CUL3: variants seen among roughly 807,000 people sequenced by gnomAD.
CUL3 encodes cullin 3.
Under a neutral mutation model 89.1 loss-of-function variants are expected in CUL3, and 19 were observed. The ratio of observed to expected loss-of-function variants is 0.21; its 90% CI spans 0.15 to 0.31. The LOEUF is 0.31. Among genes scored for constraint, CUL3 ranks in the 10% least tolerant of loss-of-function variants. CUL3 has a pLI of 1.00. For missense variants in CUL3, 469 were observed against 942.3 expected (o/e 0.50, Z 6.58); for synonymous variants, 351 against 308.4 (o/e 1.14, Z -1.45).
chr2:224,540,579 C>G (rs1046115104), intron 2 of CUL3, among the ~76,000 whole-genome samples: 1 of 152,188 alleles, frequency 6.6e-6, no homozygotes, highest in African/African-American at 2.4e-5. Context: ...GGCTCCCACA[C>G]TAGCCATTTC....
chr2:224,489,015 T>C (rs1003585037), intron 13 of CUL3, among the ~76,000 whole-genome samples: 4 of 152,158 alleles, frequency 2.6e-5, no homozygotes, highest in African/African-American at 4.8e-5. Context: ...AAAAACCACA[T>C]GATTATCTCA....
intron 2 of CUL3, among the ~76,000 whole-genome samples, chr2:224,555,975 C>T (rs988111052): frequency 6.6e-6 from 1 of 152,148 alleles, no homozygotes; most frequent in Non-Finnish European, 1.5e-5. Flanking sequence ...CTCTTTGCAT[C>T]CACTACATTA....
At chr2:224,563,182 T>C (rs1202936483) in intron 1 of CUL3, 3 of 463,224 alleles carry the variant, frequency 6.5e-6, no homozygotes, top group Non-Finnish European at 1.3e-5. Context: ...AATAACACTA[T>C]GATAAATGCA....
chr2:224,577,718 A>G (rs1052436622), intron 1 of CUL3, among the ~76,000 whole-genome samples: 1 of 152,228 alleles, frequency 6.6e-6, no homozygotes, highest in African/African-American at 2.4e-5. Flanking sequence ...GTAAATGAAA[A>G]TTCTCTACAG....
At chr2:224,527,551 GAC>G (rs1324761919) in intron 3 of CUL3, among the ~76,000 whole-genome samples, 2 of 152,162 alleles carry the variant, frequency 1.3e-5, no homozygotes, top group African/African-American at 4.8e-5. Context: ...TGAGCAATCT[GAC>G]ACACTCCTTA....
chr2:224,562,675 G>A (rs1574699390), intron 1 of CUL3: 1 of 148,440 alleles, frequency 6.7e-6, no homozygotes, highest in Non-Finnish European at 1.5e-5. Flanking sequence ...ATGAAAAATA[G>A]ACCCAGAGAG....
chr2:224,567,715 G>A (rs1695078847), intron 1 of CUL3, among the ~76,000 whole-genome samples: 1 of 151,390 alleles, frequency 6.6e-6, no homozygotes, highest in Non-Finnish European at 1.5e-5. Flanking sequence ...ACTCCAGCCT[G>A]GGCAACAGAG....
At chr2:224,517,247 G>A (rs1457925503) in intron 3 of CUL3, among the ~76,000 whole-genome samples, 4 of 152,106 alleles carry the variant, frequency 2.6e-5, no homozygotes, top group Admixed American at 6.6e-5. Context: ...GCTAAAGACA[G>A]GTAGTAAAAC....
chr2:224,520,637 A>G (rs1693227105), intron 3 of CUL3, among the ~76,000 whole-genome samples: 1 of 152,198 alleles, frequency 6.6e-6, no homozygotes, highest in Non-Finnish European at 1.5e-5. Context: ...AGAGAGATGG[A>G]GTCTTTCTAA....
intron 8 of CUL3, 136 bp from the exon 9 acceptor site, chr2:224,503,958 G>A (rs1392018390): frequency 1.4e-5 from 9 of 637,456 alleles, no homozygotes; most frequent in Middle Eastern, 4.4e-4. Flanking sequence ...AAAGGGATAC[G>A]GTTTGAGAAA....
At chr2:224,481,830 GA>G in intron 14 of CUL3, 61 bp downstream of exon 14, 11 of 1,187,098 alleles carry the variant, frequency 9.3e-6, no homozygotes, top group Non-Finnish European at 1.2e-5. Flanking sequence ...CAATAGATGA[GA>G]TTTTTTTTCT....
intron 1 of CUL3, among the ~76,000 whole-genome samples, chr2:224,583,928 T>C (rs1386084365): frequency 2.0e-5 from 3 of 152,256 alleles, no homozygotes; most frequent in Non-Finnish European, 4.4e-5. Flanking sequence ...AAGATCTTTC[T>C]CTAATTTTAC....
At chr2:224,555,381 C>A (rs1246406371) in intron 2 of CUL3, among the ~76,000 whole-genome samples, 1 of 152,120 alleles carries the variant, frequency 6.6e-6, no homozygotes, top group Admixed American at 6.6e-5. Flanking sequence ...TTACCCAGAT[C>A]TTTCCAGGTC....
chr2:224,583,015 A>G (rs975722863), intron 1 of CUL3, among the ~76,000 whole-genome samples: 1 of 152,156 alleles, frequency 6.6e-6, no homozygotes, highest in Non-Finnish European at 1.5e-5. Flanking sequence ...ACATTTTAGC[A>G]AAAAATCTTA....
Position 224,485,560 on chromosome 2 carries a change from A to G in CUL3, c.1843-3482T>C, listed in dbSNP as rs1305013838. Among the ~76,000 whole-genome samples, 3 of 152,104 alleles carry G rather than the reference A, an allele frequency of 2.0e-5. No homozygotes were observed. The highest frequency in any genetic ancestry group is 7.2e-5 in the African/African-American group (3 of 41,426). ...TGCTGTGGCCAAACTGCCTCTCTAG[A>G]TTCCTCTTGACTGGGCAGGGCATCT... is the stretch of plus-strand genomic sequence containing the variant. On this transcript the variant is annotated intron_variant, in intron 13 of 15. Coordinates refer to ENST00000264414, the MANE Select transcript of CUL3 (RefSeq NM_003590.5). This position sits in a 1 kb window ranked among gnomAD's most constrained non-coding sequence, Gnocchi z 4.1.
At chr2:224,515,102 T>A (rs1692991598) in intron 3 of CUL3, among the ~76,000 whole-genome samples, 1 of 152,208 alleles carries the variant, frequency 6.6e-6, no homozygotes, top group Admixed American at 6.5e-5. Context: ...TACAGCATAC[T>A]CAAACATGGT....
Position 224,503,745 on chromosome 2 carries a change from A to G in CUL3, c.1284T>C (p.Phe428=), listed in dbSNP as rs1339235783. The G allele has an allele frequency of 8.7e-6, 14 of 1,609,220 alleles. No homozygotes were observed. Among genetic ancestry groups the G allele is most frequent in the Non-Finnish European group, 1.2e-5 (14 of 1,178,578 alleles). Residue 428 remains phenylalanine (F), a synonymous_variant, in exon 9 of 16, where the codon TTT becomes TTC. Coordinates refer to ENST00000264414, the MANE Select transcript of CUL3 (RefSeq NM_003590.5). The part of the protein sequence containing the change: ...LFRFMQEKDV[F]ERYYKQHLAR... ...CCAAGTGTTGTTTATAATAACGTTC[A>G]AATACATCTTTTTCTTGCATAAACC...
intron 1 of CUL3, among the ~76,000 whole-genome samples, chr2:224,578,982 T>G (rs879353719): frequency 1.3e-5 from 2 of 152,200 alleles, no homozygotes; most frequent in Non-Finnish European, 2.9e-5. Context: ...CTCTAATTTG[T>G]TTGAATCAAG....
intron 13 of CUL3, among the ~76,000 whole-genome samples, chr2:224,492,348 G>A (rs1212959540): frequency 6.6e-6 from 1 of 151,980 alleles, no homozygotes; most frequent in Admixed American, 6.6e-5. Flanking sequence ...GTGAAGTTAT[G>A]TCCCTAATGA....
Sources: gnomAD v4.1 joint callset for allele counts (sites outside exome capture counted in the v4.1 genomes callset) on GRCh38, gnomAD v4.1.1 for gene constraint, Gnocchi (gnomAD v3.1) non-coding constraint, MANE v1.5 for transcripts, NCBI Gene and HGNC (gene_info 2026-07-23, HGNC 2026-07-21) for gene names.